Variants in FAT2 observed in about 807,000 individuals in gnomAD.
The protein encoded by FAT2 is protocadherin Fat 2.
FAT2 carries 150 observed loss-of-function variants against 295.3 expected under a neutral mutation model. The observed-to-expected ratio is 0.51, with a 90% CI of 0.44 to 0.58. The LOEUF (loss-of-function observed/expected upper bound fraction) is 0.58. Ranked by LOEUF, FAT2 falls within the 20% of genes least tolerant of loss-of-function variation. The pLI is 0.00. For synonymous variants in FAT2, 2,026 were observed against 2,150.3 expected (o/e 0.94, Z 1.60); for missense variants, 4,868 against 5,442.7 (o/e 0.89, Z 3.32).
intron 9 of FAT2, among the ~76,000 whole-genome samples, chr5:151,547,760 A>G (rs1267903552): frequency 1.3e-5 from 2 of 152,228 alleles, no homozygotes; most frequent in Non-Finnish European, 2.9e-5. Flanking sequence ...CACACTGCTG[A>G]AAGAAAGAAA....
chr5:151,512,194 C>T lies in FAT2; in HGVS notation c.11876G>A (p.Gly3959Asp), dbSNP rs1363357178. ...DYCSQNTCLNGGKCSWTHGAG... is the reference protein window; with the variant it reads ...DYCSQNTCLNDGKCSWTHGAG... ...CCCATGGGTCCATGAGCACTTCCCA[C>T]CATTGAGGCATGTGTTCTGGCTGCA... The change falls in exon 21 of 24, where the codon GGT (glycine) becomes GAT (aspartate). Residue 3959 changes from glycine (G) to aspartate (D), a missense_variant. Physicochemically the swap from Gly to Asp is moderately conservative, Grantham distance 94 (BLOSUM62 -1). Coordinates refer to ENST00000261800, the MANE Select transcript of FAT2 (RefSeq NM_001447.3). This position sits in a 1 kb window ranked among gnomAD's most constrained non-coding sequence, Gnocchi z 4.1. The T allele has an allele frequency of 6.2e-7, 1 of 1,614,126 alleles. No homozygotes were observed.
chr5:151,548,222 G>A (rs1756844139), intron 9 of FAT2, among the ~76,000 whole-genome samples: 1 of 152,028 alleles, frequency 6.6e-6, no homozygotes, highest in Admixed American at 6.6e-5. Flanking sequence ...TGAACATTAG[G>A]TCTTGTGAGG....
chr5:151,551,012 A>G (rs1266620167), intron 7 of FAT2, 141 bp from the exon 8 acceptor site: 1 of 769,420 alleles, frequency 1.3e-6, no homozygotes, highest in African/African-American at 1.8e-5. Context: ...TGTTGAATGA[A>G]TGACAGTATT....
chr5:151,554,284 CCCT>C (rs1256288346), intron 5 of FAT2, 75 bp downstream of exon 5: 2 of 1,364,164 alleles, frequency 1.5e-6, no homozygotes, highest in East Asian at 2.3e-5. Context: ...TGGGCTGTCT[CCCT>C]CCTCCTGAAT....
Position 151,506,068 on chromosome 5 carries a change from G to T in FAT2, c.12547C>A (p.Pro4183Thr). The T allele has an allele frequency of 6.5e-7, 1 of 1,538,000 alleles. No homozygotes were observed. Among genetic ancestry groups the T allele is most frequent in the South Asian group, 1.3e-5 (1 of 78,458 alleles). ...CAGCGTTCGTTCCTGGAGTAAGTAGGGGGCCAGACCATGGCTCCGCCAGGG... is the reference window on the plus strand; with the variant it reads ...CAGCGTTCGTTCCTGGAGTAAGTAGTGGGCCAGACCATGGCTCCGCCAGGG... Reference protein sequence around the residue: ...VYPGGAMVWPPTYSRNERWEY... With the variant: ...VYPGGAMVWPTTYSRNERWEY... The change falls in exon 24 of 24, where the codon CCT becomes ACT. Residue 4183 changes from proline to threonine, a missense_variant. Physicochemically the swap from Pro to Thr is conservative, Grantham distance 38. Transcript: ENST00000261800.
intron 1 of FAT2, among the ~76,000 whole-genome samples, chr5:151,588,420 A>G (rs1408217876): frequency 6.6e-6 from 1 of 152,182 alleles, no homozygotes; most frequent in Non-Finnish European, 1.5e-5. Flanking sequence ...AAGTTACCAG[A>G]CTTCCCTGGT....
chr5:151,520,592 G>A (rs911480889), intron 19 of FAT2, among the ~76,000 whole-genome samples: 2 of 152,194 alleles, frequency 1.3e-5, no homozygotes, highest in African/African-American at 4.8e-5. Context: ...CCAGCCATGG[G>A]TTAAGTGCTT....
In FAT2 at chr5:151,567,312, G is replaced by A. The variant is rs768250391; in HGVS notation, c.1620C>T (p.Ser540=). 12 of 1,614,096 alleles carry A rather than the reference G, an allele frequency of 7.4e-6. No individual in the cohort carries two copies. In the South Asian group the frequency reaches 1.3e-4, roughly 18 times the overall value. The stretch of plus-strand genomic sequence containing the variant: ...ACACTTCCTTCTCCCGGCGAAAAGG[G>A]GATCCCCAGTCTGATGCTCTTACCC... ...TFRVRASDWG[S]PFRREKEVSI... Residue 540 remains serine, a synonymous_variant, in exon 2 of 24, where the codon TCC becomes TCT. Coordinates refer to ENST00000261800, the MANE Select transcript of FAT2 (RefSeq NM_001447.3).
At chr5:151,593,105 G>A (rs1759475260), upstream of FAT2, among the ~76,000 whole-genome samples, 2 of 152,200 alleles carry the variant, frequency 1.3e-5, no homozygotes, top group Admixed American at 6.5e-5. Context: ...GGCCCAGGGA[G>A]TTGCAGGGTG....
At chr5:151,583,470 G>T (rs1217008305) in intron 1 of FAT2, among the ~76,000 whole-genome samples, 1 of 152,166 alleles carries the variant, frequency 6.6e-6, no homozygotes, top group Non-Finnish European at 1.5e-5. Flanking sequence ...GGTAGTCCAT[G>T]TTTATAAAGT....
At chr5:151,549,565 A>G in intron 8 of FAT2, 60 bp from the exon 9 acceptor site, 5 of 1,479,430 alleles carry the variant, frequency 3.4e-6, no homozygotes, top group Non-Finnish European at 4.7e-6. Flanking sequence ...AGGCAGGGTT[A>G]GGGTAAGGTT....
At chr5:151,557,252 C>T (rs1458461643) in intron 3 of FAT2, among the ~76,000 whole-genome samples, 1 of 152,126 alleles carries the variant, frequency 6.6e-6, no homozygotes, top group Non-Finnish European at 1.5e-5. Flanking sequence ...AAACAAACCC[C>T]AGTTCTCCTG....
rs3056512 is a variant in FAT2, at chr5:151,532,388, AACACACACACACACACAC to A, written c.9428-436_9428-419del. Among the ~76,000 whole-genome samples the A allele has an allele frequency of 4.0e-5, 6 of 150,496 alleles. No homozygotes were observed. In the East Asian group the frequency reaches 9.8e-4, roughly 25 times the overall value. On this transcript the variant is annotated intron_variant, in intron 13 of 23. Transcript: ENST00000261800. The stretch of plus-strand genomic sequence containing the variant: ...GCATAGAACTAAGTGTGCGTGTACA[AACACACACACACACACAC>A]ACACACACACACGCAAATGAGTGCA...
rs1409312943 is a variant in FAT2, at chr5:151,566,399, T to C, written c.2533A>G (p.Lys845Glu). 6.2e-7 allele frequency: 1 copy of C among 1,613,952 alleles called. No individual in the cohort carries two copies. Reference protein sequence around the residue: ...VGTTIAELTTKDADSEDNGRV... With the variant: ...VGTTIAELTTEDADSEDNGRV... ...CCATTGTCTTCCGAGTCAGCATCTTTGGTTGTCAGCTCTGCAATTGTGGTT... is the reference window on the plus strand; with the variant it reads ...CCATTGTCTTCCGAGTCAGCATCTTCGGTTGTCAGCTCTGCAATTGTGGTT... The change falls in exon 2 of 24, where the codon AAA becomes GAA. Residue 845 changes from lysine to glutamate, a missense_variant. Transcript: ENST00000261800.
intron 7 of FAT2, among the ~76,000 whole-genome samples, chr5:151,551,177 C>T (rs1475882040): frequency 6.6e-6 from 1 of 152,152 alleles, no homozygotes; most frequent in Non-Finnish European, 1.5e-5. Flanking sequence ...AAATTCAGAG[C>T]CCCACTTACC....
rs767366920 is a variant in FAT2 at position 151,566,630 on chromosome 5, C to T, written c.2302G>A (p.Glu768Lys). ...NEEGCFDIELETGLLTVAAPL... is the reference protein window; with the variant it reads ...NEEGCFDIELKTGLLTVAAPL... ...GCAGCTACAGTGAGCAGCCCTGTCT[C>T]CAGCTCTATGTCAAAGCAGCCCTCC... Residue 768 changes from glutamate to lysine, a missense_variant, in exon 2 of 24, where the codon GAG becomes AAG. Physicochemically the swap from Glu to Lys is moderately conservative, Grantham distance 56. Around this residue, in one of 5 missense-constraint regions of FAT2, gnomAD observed 3,297 missense variants for 3,669.4 expected, o/e 0.90. Transcript: ENST00000261800. The T allele has an allele frequency of 1.2e-6, 2 of 1,614,164 alleles. No homozygotes were observed. The highest frequency in any genetic ancestry group is 3.3e-5 in the Admixed American group (2 of 60,014).
intron 1 of FAT2, among the ~76,000 whole-genome samples, chr5:151,583,390 G>A (rs575545049): frequency 2.0e-5 from 3 of 152,306 alleles, no homozygotes; most frequent in South Asian, 2.1e-4. Context: ...TGTTCTAGGT[G>A]ACAATAGAGA....
intron 7 of FAT2, among the ~76,000 whole-genome samples, chr5:151,551,154 G>A (rs1399016895): frequency 6.6e-6 from 1 of 152,184 alleles, no homozygotes; most frequent in Non-Finnish European, 1.5e-5. Context: ...AACACTGGCT[G>A]AAGCTAGAAT....
At chr5:151,533,730 T>C (rs531139262) in intron 13 of FAT2, among the ~76,000 whole-genome samples, 57 of 152,030 alleles carry the variant, frequency 3.7e-4, no homozygotes, top group Non-Finnish European at 6.9e-4. Flanking sequence ...CATATATATA[T>C]ACATACACAC....
Sources: allele counts gnomAD v4.1 joint callset (sites outside exome capture counted in the v4.1 genomes callset), GRCh38; gene constraint gnomAD v4.1.1; regional missense constraint gnomAD v4.1.1; non-coding constraint Gnocchi (gnomAD v3.1); transcripts MANE v1.5; gene names NCBI Gene and HGNC (gene_info 2026-07-23, HGNC 2026-07-21).